Variants in PLIN5 observed in about 807,000 individuals in gnomAD.
PLIN5 encodes perilipin 5.
Under a neutral mutation model 32.8 loss-of-function variants are expected in PLIN5, and 34 were observed. That is an observed-to-expected ratio of 1.04 (90% confidence interval 0.79 to 1.38). The LOEUF is 1.38. PLIN5 is among the 40% of genes most tolerant of loss of function. The probability of loss-of-function intolerance (pLI) is 0.00; values close to 1 mark genes in which losing one functional copy is unlikely to be tolerated. For missense variants in PLIN5, 712 were observed against 660.5 expected (o/e 1.08, Z -0.85); for synonymous variants, 309 against 292.9 (o/e 1.05, Z -0.56).
At position 4,529,241 on chromosome 19, in the gene PLIN5, C is replaced by T. The variant is rs1214261324; in HGVS notation, c.352G>A (p.Ala118Thr). 6.2e-7 allele frequency: 1 copy of T among 1,604,920 alleles called. No individual in the cohort carries two copies. Among genetic ancestry groups the T allele is most frequent in the Admixed American group, 1.7e-5 (1 of 59,188 alleles). The change falls in exon 5 of 8, where the codon GCC becomes ACC. Residue 118 changes from alanine (A) to threonine (T), a missense_variant. By Grantham distance (58) the Ala-to-Thr change is moderately conservative. Coordinates refer to ENST00000381848, the MANE Select transcript of PLIN5 (RefSeq NM_001013706.3). ...QQPSETVVTS[A>T]KDVVASSVTG... ...ACACTGCTGGCCACCACGTCCTTGGCTGAGGTCACCACCTGGAAGGAAGGG... is the reference window on the plus strand; with the variant it reads ...ACACTGCTGGCCACCACGTCCTTGGTTGAGGTCACCACCTGGAAGGAAGGG...
chr19:4,523,962 G>A lies in PLIN5; in HGVS notation c.958C>T (p.Arg320Trp), dbSNP rs551133800. ...GTCTGCAGGGCATCCACACTGCGCC[G>A]CACCTCAGCCACCTTCTCCTGGGCG... The part of the protein sequence containing the change: ...AGAQEKVAEV[R>W]RSVDALQTAF... Residue 320 changes from arginine to tryptophan, a missense_variant, in exon 8 of 8, where the codon CGG (arginine) becomes TGG (tryptophan). Physicochemically the swap from Arg to Trp is moderately radical, Grantham distance 101 (BLOSUM62 -3). Transcript: ENST00000381848. The surrounding 1 kb of genome is among the most constrained non-coding windows in gnomAD (Gnocchi z 5.0). 166 of 1,527,884 alleles carry A rather than the reference G, an allele frequency of 1.1e-4. 1 individual carries two copies. The highest frequency in any genetic ancestry group is 3.5e-4 in the Middle Eastern group (2 of 5,768). 94.6% of individuals were successfully genotyped at this position (1,527,884 alleles called of 1,614,324 possible). A position where few individuals can be genotyped will look rare whatever the true frequency, so the allele number is the denominator to read the frequency against.
intron 5 of PLIN5, among the ~76,000 whole-genome samples, chr19:4,526,804 G>C (rs1976808625): frequency 6.7e-6 from 1 of 149,982 alleles, no homozygotes; most frequent in South Asian, 2.1e-4. Context: ...GCTATGGTTA[G>C]CTACGATCAC....
rs1491339975 is a variant in PLIN5, at chr19:4,525,870, TAC to T, written c.521-40_521-39del. On this transcript the variant is annotated intron_variant, in intron 5 of 7. Coordinates refer to ENST00000381848, the MANE Select transcript of PLIN5 (RefSeq NM_001013706.3). The surrounding 1 kb of genome is among the most constrained non-coding windows in gnomAD (Gnocchi z 5.6). ...ATACGGGGACAGCACGGGGACAGGA[TAC>T]GGGGACAGCACGGGGACAGGATACG... 3.4e-5 allele frequency: 47 copies of T among 1,400,890 alleles called. No individual in the cohort carries two copies. The African/African-American group carries it at 8.6e-4, about 26-fold the overall frequency. The allele number at this position is 1,400,890 out of a possible 1,614,324, so 86.8% of individuals were successfully genotyped here.
At position 4,531,842 on chromosome 19, in the gene PLIN5, C is replaced by T; in HGVS notation, c.61-20G>A. The T allele has an allele frequency of 6.6e-7, 1 of 1,512,400 alleles. No individual in the cohort carries two copies. The highest frequency in any genetic ancestry group is 8.9e-7 in the Non-Finnish European group (1 of 1,129,802). The allele number at this position is 1,512,400 out of a possible 1,614,324, so 93.7% of individuals were successfully genotyped here. A position where few individuals can be genotyped will look rare whatever the true frequency, so the allele number is the denominator to read the frequency against. On this transcript the variant is annotated intron_variant, in intron 2 of 7. Coordinates refer to ENST00000381848, the MANE Select transcript of PLIN5 (RefSeq NM_001013706.3). ...CACGTTCTGCGGGAAGGGTCGGCAT[C>T]AGGGGGACCCTGGGGGAAGTGGGGC...
At chr19:4,533,609 C>T in intron 2 of PLIN5, 2 of 344,974 alleles carry the variant, frequency 5.8e-6, no homozygotes, top group Non-Finnish European at 1.1e-5. Context: ...AAATGGGTTA[C>T]TAGGGTTGTG....
At chr19:4,531,941 G>A (rs1418804053) in intron 2 of PLIN5, 119 bp from the exon 3 acceptor site, 15 of 1,032,798 alleles carry the variant, frequency 1.5e-5, no homozygotes, top group Non-Finnish European at 2.0e-5. Context: ...ATGGAGTACT[G>A]AGCACCCCGC....
Position 4,524,002 on chromosome 19 carries a change from C to A in PLIN5, c.918G>T (p.Arg306=), listed in dbSNP as rs771577056. 31 of 1,521,214 alleles carry A rather than the reference C, an allele frequency of 2.0e-5. 1 individual carries two copies. In the South Asian group the frequency reaches 3.7e-4, roughly 18 times the overall value. The allele number at this position is 1,521,214 out of a possible 1,614,324, so 94.2% of individuals were successfully genotyped here. A position where few individuals can be genotyped will look rare whatever the true frequency, so the allele number is the denominator to read the frequency against. ...GTVEALESSV[R]GLPAGAQEKV... ...TCTCCTGGGCGCCGGCGGGCAGGCCCCGCACGCTGGACTCCAGAGCCTCTA... is the reference window on the plus strand; with the variant it reads ...TCTCCTGGGCGCCGGCGGGCAGGCCACGCACGCTGGACTCCAGAGCCTCTA... The change falls in exon 8 of 8, where the codon CGG becomes CGT. Residue 306 remains arginine, a synonymous_variant. Coordinates refer to ENST00000381848, the MANE Select transcript of PLIN5 (RefSeq NM_001013706.3).
chr19:4,533,984 G>C (rs1225655600), intron 2 of PLIN5, 31 bp downstream of exon 2: 7 of 1,604,666 alleles, frequency 4.4e-6, no homozygotes, highest in Non-Finnish European at 5.1e-6. Context: ...AATACCTTCT[G>C]TCCCTGCTCC....
chr19:4,527,834 G>T (rs979988361), intron 5 of PLIN5, among the ~76,000 whole-genome samples: 29 of 151,380 alleles, frequency 1.9e-4, no homozygotes, highest in African/African-American at 5.3e-4. Flanking sequence ...AACAAAGTGA[G>T]AGATTCTGTC....
chr19:4,529,059 G>A lies in PLIN5; in HGVS notation c.520+14C>T, dbSNP rs569155419. ...GCAGGACTCAGGGGTTAGGGTTGAG[G>A]GTGTCGTCCTCACCGAGCTCTTCCT... On this transcript the variant is annotated intron_variant, in intron 5 of 7. Coordinates refer to ENST00000381848, the MANE Select transcript of PLIN5 (RefSeq NM_001013706.3). The A allele has an allele frequency of 6.8e-5, 109 of 1,610,282 alleles. 1 individual carries two copies. In the South Asian group the frequency reaches 1.1e-3, roughly 16 times the overall value.
chr19:4,523,402 C>T lies in PLIN5; in HGVS notation c.*126G>A, dbSNP rs543369242. The T allele has an allele frequency of 2.0e-5, 23 of 1,125,492 alleles. No individual in the cohort carries two copies. Among genetic ancestry groups the T allele is most frequent in the Admixed American group, 6.2e-5 (2 of 32,210 alleles). The allele number at this position is 1,125,492 out of a possible 1,614,324, so 69.7% of individuals were successfully genotyped here. ...AATACCAAAAAGGTGGTCAGAGATC[C>T]GGAGTTGGGCCTGATTCCAAAGAAG... On this transcript the variant is annotated 3_prime_UTR_variant, in exon 8 of 8. Transcript: ENST00000381848. This position sits in a 1 kb window ranked among gnomAD's most constrained non-coding sequence, Gnocchi z 5.0.
Position 4,523,863 on chromosome 19 carries a change from G to C in PLIN5, c.1057C>G (p.His353Asp), listed in dbSNP as rs769783030. 3.2e-5 allele frequency: 50 copies of C among 1,539,078 alleles called. No individual in the cohort carries two copies. The Admixed American group carries it at 6.7e-4, about 21-fold the overall frequency. Residue 353 changes from histidine to aspartate, a missense_variant, in exon 8 of 8, where the codon CAC (histidine) becomes GAC (aspartate). His to Asp is a moderately conservative substitution (Grantham distance 81). Transcript: ENST00000381848. This position sits in a 1 kb window ranked among gnomAD's most constrained non-coding sequence, Gnocchi z 5.0. ...AGCTCGTCCACGCAGGCGTGCGCGT[G>C]GGCCACGCGACCCCGGCCCTCGGCC... Reference protein sequence around the residue: ...ALAEGRGRVAHAHACVDELLE... With the variant: ...ALAEGRGRVADAHACVDELLE...
chr19:4,528,067 G>A lies in PLIN5; in HGVS notation c.520+1006C>T, dbSNP rs1035595906. On this transcript the variant is annotated intron_variant, in intron 5 of 7. Transcript: ENST00000381848. ...TGGGACTACAGGCGCCCGCCACCAC[G>A]CCCGGCTAATTTTTTGTATTTTTAG... 6.6e-5 allele frequency among the ~76,000 whole-genome samples: 10 copies of A among 151,778 alleles called. No homozygotes were observed. The East Asian group carries it at 8.0e-4, about 12-fold the overall frequency.
In PLIN5 at chr19:4,529,958, G is replaced by C. The variant is rs983641017; in HGVS notation, c.257-92C>G. 5.0e-5 allele frequency: 36 copies of C among 720,042 alleles called. No homozygotes were observed. The East Asian group carries it at 9.4e-4, about 19-fold the overall frequency. The allele number at this position is 720,042 out of a possible 1,614,324, so 44.6% of individuals were successfully genotyped here. Reference sequence around the variant, plus strand: ...TTGTAGAAGGAGGGAATGCTAGAGAGAGAAGCAGAGACAGAGAAGGAAGGA... The same window carrying C: ...TTGTAGAAGGAGGGAATGCTAGAGACAGAAGCAGAGACAGAGAAGGAAGGA... On this transcript the variant is annotated intron_variant, in intron 3 of 7. Transcript: ENST00000381848.
chr19:4,528,943 G>GT, intron 5 of PLIN5, 130 bp downstream of exon 5: 1 of 1,039,812 alleles, frequency 9.6e-7, no homozygotes, highest in Non-Finnish European at 1.4e-6. Flanking sequence ...GACAGGCCTG[G>GT]TTTTGAGTTG....
chr19:4,527,560 A>AAC, intron 5 of PLIN5, among the ~76,000 whole-genome samples: 1 of 149,040 alleles, frequency 6.7e-6, no homozygotes, highest in Middle Eastern at 3.4e-3. Flanking sequence ...AAAAAAAAAA[A>AAC]AAAAAACAAC....
At chr19:4,524,895 G>C in intron 7 of PLIN5, 68 bp downstream of exon 7, 3 of 1,370,314 alleles carry the variant, frequency 2.2e-6, no homozygotes, top group Non-Finnish European at 2.9e-6. Flanking sequence ...CCCGCAGTCC[G>C]TCGCTCCCCC....
At position 4,525,857 on chromosome 19, in the gene PLIN5, CACGGGGACAGGAT is replaced by C. The variant is rs879114765; in HGVS notation, c.521-38_521-26del. On this transcript the variant is annotated intron_variant, in intron 5 of 7. Coordinates refer to ENST00000381848, the MANE Select transcript of PLIN5 (RefSeq NM_001013706.3). This position sits in a 1 kb window ranked among gnomAD's most constrained non-coding sequence, Gnocchi z 5.6. ...GCTGGAGGACAGGATACGGGGACAG[CACGGGGACAGGAT>C]ACGGGGACAGCACGGGGACAGGATA... is the stretch of plus-strand genomic sequence containing the variant. 429 of 1,539,880 alleles carry C rather than the reference CACGGGGACAGGAT, an allele frequency of 2.8e-4. 1 individual carries two copies. Among genetic ancestry groups the C allele is most frequent in the African/African-American group, 2.0e-3 (102 of 52,238 alleles).
In PLIN5 at chr19:4,528,070, C is replaced by A. The variant is rs959852898; in HGVS notation, c.520+1003G>T. Among the ~76,000 whole-genome samples, 3 of 150,366 alleles carry A rather than the reference C, an allele frequency of 2.0e-5. No homozygotes were observed. In the East Asian group the frequency reaches 6.1e-4, roughly 31 times the overall value. ...GACTACAGGCGCCCGCCACCACGCCCGGCTAATTTTTTGTATTTTTAGTAG... is the reference window on the plus strand; with the variant it reads ...GACTACAGGCGCCCGCCACCACGCCAGGCTAATTTTTTGTATTTTTAGTAG... On this transcript the variant is annotated intron_variant, in intron 5 of 7. Transcript: ENST00000381848.
Sources: allele counts gnomAD v4.1 joint callset (sites outside exome capture counted in the v4.1 genomes callset), GRCh38; gene constraint gnomAD v4.1.1; non-coding constraint Gnocchi (gnomAD v3.1); transcripts MANE v1.5; gene names NCBI Gene and HGNC (gene_info 2026-07-23, HGNC 2026-07-21).